SYT1: variants seen among roughly 807,000 people sequenced by gnomAD.
SYT1 encodes synaptotagmin 1.
In SYT1, 8 loss-of-function variants were observed where a neutral mutation model predicts 44.8. The ratio of observed to expected loss-of-function variants is 0.18; its 90% CI spans 0.10 to 0.32. The LOEUF (loss-of-function observed/expected upper bound fraction) is 0.32, where lower values mean the gene tolerates loss of function less well. SYT1 is among the 10% of genes least tolerant of loss of function. SYT1 has a pLI of 1.00. For missense variants in SYT1, 286 were observed against 509.3 expected, an observed-to-expected ratio of 0.56 and a Z score of 4.22; for synonymous variants, 154 against 188.8, an observed-to-expected ratio of 0.82 and a Z score of 1.51.
intron 1 of SYT1, among the ~76,000 whole-genome samples, chr12:78,894,546 C>T (rs937423180): frequency 6.6e-6 from 1 of 151,230 alleles, no homozygotes; most frequent in African/African-American, 2.4e-5. Context: ...ATAGGATTCT[C>T]TTCATAAACT....
intron 3 of SYT1, among the ~76,000 whole-genome samples, chr12:79,162,225 C>T (rs961073): frequency 0.082 from 12,516 of 152,022 alleles, 675 homozygotes; most frequent in African/African-American, 0.15. Flanking sequence ...ACCCCCAAAG[C>T]TCTGTGTTGC....
intron 1 of SYT1, among the ~76,000 whole-genome samples, chr12:78,867,466 T>A (rs1218394227): frequency 6.6e-6 from 1 of 152,034 alleles, no homozygotes; most frequent in Admixed American, 6.6e-5. Context: ...GGAGAGACCT[T>A]ACATGATATA....
At position 79,100,130 on chromosome 12, in the gene SYT1, T is replaced by G. The variant is rs76779898; in HGVS notation, c.-18+52768T>G. Among the ~76,000 whole-genome samples the G allele has an allele frequency of 3.2e-3, 482 of 152,030 alleles. 2 individuals are homozygous for G. The highest frequency in any genetic ancestry group is 5.4e-3 in the Non-Finnish European group (365 of 67,968). ...AAATAATAATAACGAACATTTGGAG[T>G]GCTTCTTTGGAGGTATTGTTTTAAG... On this transcript the variant is annotated intron_variant, in intron 3 of 10. Coordinates refer to ENST00000261205, the MANE Select transcript of SYT1 (RefSeq NM_005639.3).
intron 4 of SYT1, among the ~76,000 whole-genome samples, chr12:79,241,934 G>T (rs1876539656): frequency 3.9e-5 from 6 of 152,170 alleles, no homozygotes; most frequent in Admixed American, 2.6e-4. Flanking sequence ...ACGCCATGTG[G>T]CAATGGAGGC....
At position 79,309,142 on chromosome 12, in the gene SYT1, AG is replaced by A; in HGVS notation, c.810+9593del. Among the ~76,000 whole-genome samples the A allele has an allele frequency of 2.0e-5, 3 of 152,328 alleles. 1 individual carries two copies. Among genetic ancestry groups the A allele is most frequent in the Middle Eastern group, 6.8e-3 (2 of 294 alleles). On this transcript the variant is annotated intron_variant, in intron 8 of 10. Transcript: ENST00000261205. ...GTGTGATAGCCTCTTTCTACAAGTG[AG>A]GCCTCAAATGAACTGCAGCTATCCT... is the stretch of plus-strand genomic sequence containing the variant.
chr12:78,890,730 C>T (rs1875007742), intron 1 of SYT1, among the ~76,000 whole-genome samples: 1 of 151,696 alleles, frequency 6.6e-6, no homozygotes, highest in Admixed American at 6.6e-5. Context: ...CAGAAAATTA[C>T]TTTCTTCATC....
At chr12:79,043,819 C>A (rs1873783982) in intron 2 of SYT1, among the ~76,000 whole-genome samples, 1 of 152,080 alleles carries the variant, frequency 6.6e-6, no homozygotes, top group Non-Finnish European at 1.5e-5. Context: ...TAGGGCGGGC[C>A]TGGTGGTGAC....
chr12:79,233,181 C>T (rs1278447283), intron 4 of SYT1, among the ~76,000 whole-genome samples: 1 of 152,140 alleles, frequency 6.6e-6, no homozygotes, highest in Non-Finnish European at 1.5e-5. Flanking sequence ...AAACAGTGTC[C>T]TCACCCCCAA....
intron 1 of SYT1, among the ~76,000 whole-genome samples, chr12:78,945,666 G>C (rs769822239): frequency 2.6e-5 from 4 of 151,950 alleles, no homozygotes; most frequent in Non-Finnish European, 5.9e-5. Context: ...TCAAATTAGG[G>C]TTATGCTTCT....
chr12:78,869,275 A>G (rs964978434), intron 1 of SYT1, among the ~76,000 whole-genome samples: 2 of 151,934 alleles, frequency 1.3e-5, no homozygotes, highest in African/African-American at 4.8e-5. Context: ...TTGAGGAGCT[A>G]GTTTTATATG....
At chr12:78,950,727 C>G (rs943269614) in intron 1 of SYT1, among the ~76,000 whole-genome samples, 1 of 152,040 alleles carries the variant, frequency 6.6e-6, no homozygotes, top group Non-Finnish European at 1.5e-5. Context: ...TTGATTAGAT[C>G]ATGCTTTTTT....
At chr12:79,176,580 C>T (rs898371254) in intron 3 of SYT1, among the ~76,000 whole-genome samples, 4 of 151,986 alleles carry the variant, frequency 2.6e-5, no homozygotes, top group Admixed American at 6.6e-5. Context: ...CAACCTGCTT[C>T]GTACAGTACA....
rs777561773 is a variant in SYT1, at chr12:79,285,765, GCTCT to G, written c.167-19_167-16del. ...CACATCTAAGTGTTGTATGACTAGT[GCTCT>G]CTGTGTGTTTCTTTCAGTGCCACCG... On this transcript the variant is annotated intron_variant, in intron 4 of 10. Coordinates refer to ENST00000261205, the MANE Select transcript of SYT1 (RefSeq NM_005639.3). The G allele has an allele frequency of 1.3e-6, 2 of 1,558,918 alleles. No homozygotes were observed. Among genetic ancestry groups the G allele is most frequent in the Non-Finnish European group, 1.7e-6 (2 of 1,145,114 alleles).
chr12:79,306,862 G>A (rs1880421548), intron 8 of SYT1, among the ~76,000 whole-genome samples: 2 of 152,116 alleles, frequency 1.3e-5, no homozygotes, highest in South Asian at 4.1e-4. Flanking sequence ...GAATAATGAT[G>A]TAGACAAGAG....
intron 9 of SYT1, among the ~76,000 whole-genome samples, chr12:79,431,181 C>T (rs1483264733): frequency 6.6e-6 from 1 of 152,220 alleles, no homozygotes; most frequent in Non-Finnish European, 1.5e-5. Context: ...ATCTCCATGA[C>T]TATTTAGTAT....
At chr12:78,969,039 T>A (rs1034409413) in intron 1 of SYT1, among the ~76,000 whole-genome samples, 3 of 152,348 alleles carry the variant, frequency 2.0e-5, no homozygotes, top group Non-Finnish European at 4.4e-5. Context: ...ATCCTTGGAT[T>A]CAACCAATCA....
chr12:79,015,289 T>C (rs1380047387), intron 2 of SYT1, among the ~76,000 whole-genome samples: 2 of 152,174 alleles, frequency 1.3e-5, no homozygotes, highest in Non-Finnish European at 2.9e-5. Flanking sequence ...GTTTCAAAGC[T>C]AAACTTGCAC....
chr12:79,331,387 C>A (rs945879949), intron 8 of SYT1, among the ~76,000 whole-genome samples: 1 of 152,084 alleles, frequency 6.6e-6, no homozygotes. Flanking sequence ...ACTTCAACTG[C>A]CTAAAGGCTT....
intron 1 of SYT1, among the ~76,000 whole-genome samples, chr12:78,972,434 A>G (rs761372900): frequency 2.0e-5 from 3 of 151,976 alleles, no homozygotes; most frequent in Admixed American, 6.6e-5. Flanking sequence ...TAATATTCAA[A>G]TTAGACTTTT....
Sources: gnomAD v4.1 joint callset for allele counts (sites outside exome capture counted in the v4.1 genomes callset) on GRCh38, gnomAD v4.1.1 for gene constraint, MANE v1.5 for transcripts, NCBI Gene and HGNC (gene_info 2026-07-23, HGNC 2026-07-21) for gene names.